Variants in DCT observed in about 807,000 individuals in gnomAD.
The protein encoded by DCT is L-dopachrome tautomerase.
Under a neutral mutation model 53.0 loss-of-function variants are expected in DCT, and 47 were observed. The ratio of observed to expected loss-of-function variants is 0.89; its 90% CI spans 0.70 to 1.13. The LOEUF (loss-of-function observed/expected upper bound fraction) is 1.13, where lower values mean the gene tolerates loss of function less well. Ranked by LOEUF, DCT falls within the 50% of genes most tolerant of loss-of-function variation. The probability of loss-of-function intolerance (pLI) is 0.00; values close to 1 mark genes in which losing one functional copy is unlikely to be tolerated. For missense variants in DCT, 669 were observed against 637.4 expected, an observed-to-expected ratio of 1.05 and a Z score of -0.53; for synonymous variants, 244 against 237.0, an observed-to-expected ratio of 1.03 and a Z score of -0.27.
intron 6 of DCT, 67 bp downstream of exon 6, chr13:94,460,024 T>A: frequency 6.8e-7 from 1 of 1,472,506 alleles, no homozygotes; most frequent in Non-Finnish European, 9.5e-7. Flanking sequence ...AAACATTAAT[T>A]GTATGAAAAA....
chr13:94,454,345 C>A (rs1269875890), intron 6 of DCT, among the ~76,000 whole-genome samples: 3 of 152,086 alleles, frequency 2.0e-5, no homozygotes, highest in African/African-American at 7.2e-5. Flanking sequence ...AGAATAGTAT[C>A]TTTAGGAATT....
At chr13:94,455,324 G>A (rs138881535) in intron 6 of DCT, among the ~76,000 whole-genome samples, 115 of 151,888 alleles carry the variant, frequency 7.6e-4, no homozygotes, top group African/African-American at 2.5e-3. Flanking sequence ...TGAGGCTGCC[G>A]TGAGCTATGA....
chr13:94,485,142 G>A, the DCT span, among the ~76,000 whole-genome samples: 2 of 150,546 alleles, frequency 1.3e-5, no homozygotes, highest in African/African-American at 2.4e-5. Context: ...CGGTGGGGGG[G>A]TGGCCACAAG....
At chr13:94,444,849 T>C (rs1489201158) in intron 6 of DCT, among the ~76,000 whole-genome samples, 3 of 152,268 alleles carry the variant, frequency 2.0e-5, no homozygotes, top group African/African-American at 7.2e-5. Flanking sequence ...GTTATTTATG[T>C]ATCTATGTCC....
the DCT span, among the ~76,000 whole-genome samples, chr13:94,529,224 A>T: frequency 2.2e-4 from 34 of 152,208 alleles, no homozygotes; most frequent in Admixed American, 2.2e-3. Flanking sequence ...AATATTAGAC[A>T]GATCAATGAG....
chr13:94,510,986 C>T, the DCT span, among the ~76,000 whole-genome samples: 2 of 152,222 alleles, frequency 1.3e-5, no homozygotes, highest in African/African-American at 4.8e-5. Context: ...TGCTCTTCAT[C>T]CCCACTGTTT....
rs760561758 is a variant in DCT, at chr13:94,468,860, G to A, written c.481C>T (p.Gln161Ter). Reference protein sequence around the residue: ...RVHPDYVITTQHWLGLLGPNG... With the variant: ...RVHPDYVITT ...GGCCCAAGCAGGCCCAGCCAGTGTT[G>A]TGTGGTGATCACGTAGTCGGGGTGT... is the stretch of plus-strand genomic sequence containing the variant. The change falls in exon 2 of 8, where the codon CAA (glutamine) becomes TAA (stop). Residue 161 changes from glutamine to a stop codon, truncating the protein, a stop_gained. Coordinates refer to ENST00000377028, the MANE Select transcript of DCT (RefSeq NM_001922.5). LOFTEE classifies it high-confidence loss of function. 1 of 1,614,190 alleles carries A rather than the reference G, an allele frequency of 6.2e-7. No individual in the cohort carries two copies. Among genetic ancestry groups the A allele is most frequent in the South Asian group, 1.1e-5 (1 of 91,086 alleles).
the DCT span, among the ~76,000 whole-genome samples, chr13:94,494,174 T>TC: frequency 8.8e-4 from 134 of 152,224 alleles, no homozygotes; most frequent in Middle Eastern, 0.014. Context: ...GTGCTCCTCG[T>TC]CCCCATACAT....
In DCT at chr13:94,479,491, ATTTCC is replaced by A; in HGVS notation, c.-241_-237del. ...GTGATTCAAACAACTAACAGACTTA[ATTTCC>A]TTAGAAGCGCCTCTAACAACCAAAT... On this transcript the variant is annotated 5_prime_UTR_variant, in exon 1 of 8. Transcript: ENST00000377028. 1 of 452,170 alleles carries A rather than the reference ATTTCC, an allele frequency of 2.2e-6. No homozygotes were observed. The highest frequency in any genetic ancestry group is 3.9e-6 in the Non-Finnish European group (1 of 257,194). The allele number at this position is 452,170 out of a possible 1,614,324, so 28.0% of individuals were successfully genotyped here. A position where few individuals can be genotyped will look rare whatever the true frequency, so the allele number is the denominator to read the frequency against.
the DCT span, among the ~76,000 whole-genome samples, chr13:94,518,170 G>GAAGA: frequency 6.9e-6 from 1 of 144,550 alleles, no homozygotes; most frequent in Non-Finnish European, 1.5e-5. Context: ...AGGAAGGAAG[G>GAAGA]AAGAAAGAAA....
intron 4 of DCT, 143 bp from the exon 5 acceptor site, chr13:94,462,332 T>C: frequency 1.6e-6 from 1 of 644,136 alleles, no homozygotes; most frequent in Non-Finnish European, 2.7e-6. Context: ...AAGCCCCGGC[T>C]CTACTAAAAA....
chr13:94,461,838 G>A (rs1014838267), intron 5 of DCT, among the ~76,000 whole-genome samples, 172 bp downstream of exon 5: 3 of 152,062 alleles, frequency 2.0e-5, no homozygotes, highest in Non-Finnish European at 4.4e-5. Flanking sequence ...ATAGTAGATG[G>A]GTAAAGACTT....
chr13:94,500,446 T>G, the DCT span, among the ~76,000 whole-genome samples: 2,329 of 152,328 alleles, frequency 0.015, 97 homozygotes, highest in East Asian at 0.17. Context: ...ATCTCCCACC[T>G]GGTCCCTCCC....
chr13:94,539,433 A>G, the DCT span, among the ~76,000 whole-genome samples: 1,848 of 152,324 alleles, frequency 0.012, 37 homozygotes, highest in African/African-American at 0.042. Context: ...TTACCAACCT[A>G]TTATTAGAAA....
At chr13:94,537,707 C>A in the DCT span, among the ~76,000 whole-genome samples, 1 of 152,076 alleles carries the variant, frequency 6.6e-6, no homozygotes, top group Non-Finnish European at 1.5e-5. Context: ...CCTTTTTAGT[C>A]CTGAAATAGT....
chr13:94,468,902 G>GATCTAAGGCGCCCAAGA lies in DCT; in HGVS notation c.422_438dup (p.Leu147SerfsTer5). On this transcript the variant is annotated stop_gained and frameshift_variant, in exon 2 of 8. Coordinates refer to ENST00000377028, the MANE Select transcript of DCT (RefSeq NM_001922.5). LOFTEE classifies it high-confidence loss of function. ...TCGGGGTGTACTCTCTTCTTCGCGA[G>GATCTAAGGCGCCCAAGA]ATCTAAGGCGCCCAAGAACTGCTCT... is the stretch of plus-strand genomic sequence containing the variant. 1.2e-6 allele frequency: 2 copies of GATCTAAGGCGCCCAAGA among 1,614,180 alleles called. No homozygotes were observed. The highest frequency in any genetic ancestry group is 1.7e-6 in the Non-Finnish European group (2 of 1,180,026).
the DCT span, among the ~76,000 whole-genome samples, chr13:94,529,559 G>A: frequency 2.0e-5 from 3 of 152,164 alleles, no homozygotes; most frequent in Non-Finnish European, 4.4e-5. Flanking sequence ...ATAACGAAAT[G>A]AAGGCAAAAA....
At chr13:94,466,160 T>C (rs1273961933) in intron 3 of DCT, among the ~76,000 whole-genome samples, 2 of 151,070 alleles carry the variant, frequency 1.3e-5, no homozygotes, top group East Asian at 2.0e-4. Context: ...ATCTCACTTA[T>C]ATGTGGAATC....
the DCT span, among the ~76,000 whole-genome samples, chr13:94,534,940 G>T: frequency 1.3e-5 from 2 of 152,172 alleles, no homozygotes; most frequent in Non-Finnish European, 2.9e-5. Context: ...ACAAGGTCTT[G>T]CTAAGTTGCC....
Sources: allele counts gnomAD v4.1 joint callset (sites outside exome capture counted in the v4.1 genomes callset), GRCh38; gene constraint gnomAD v4.1.1; transcripts MANE v1.5; gene names NCBI Gene and HGNC (gene_info 2026-07-23, HGNC 2026-07-21).